STRN3: variants seen among roughly 807,000 people sequenced by gnomAD.
STRN3 encodes striatin 3.
Under a neutral mutation model 95.6 loss-of-function variants are expected in STRN3, and 29 were observed. The observed-to-expected ratio is 0.30, with a 90% confidence interval of 0.23 to 0.41. The LOEUF is 0.41. Ranked by LOEUF, STRN3 falls within the 10% of genes least tolerant of loss-of-function variation. STRN3 has a pLI of 1.00. For missense variants in STRN3, 890 were observed against 972.1 expected (o/e 0.92, Z 1.12); for synonymous variants, 331 against 357.6 (o/e 0.93, Z 0.84).
intron 7 of STRN3, chr14:30,932,517 T>C (rs1878592246): frequency 6.6e-6 from 1 of 152,342 alleles, no homozygotes; most frequent in Non-Finnish European, 1.5e-5. Context: ...TGAGTTATTT[T>C]CCTTCACTAA....
At chr14:30,898,652 C>T (rs955708544) in intron 16 of STRN3, among the ~76,000 whole-genome samples, 4 of 152,178 alleles carry the variant, frequency 2.6e-5, no homozygotes, top group African/African-American at 9.7e-5. Flanking sequence ...CTTCCAGTAA[C>T]GAGGACCTCT....
In STRN3 at chr14:30,921,715, T is replaced by C. The variant is rs74040949; in HGVS notation, c.1100-2609A>G. Among the ~76,000 whole-genome samples the C allele has an allele frequency of 3.8e-3, 576 of 152,280 alleles. 2 individuals carry two copies. The highest frequency in any genetic ancestry group is 0.013 in the African/African-American group (541 of 41,554). On this transcript the variant is annotated intron_variant, in intron 8 of 17. Coordinates refer to ENST00000357479, the MANE Select transcript of STRN3 (RefSeq NM_001083893.2). ...GAAGTCTTATCAGCAATAAGAAAAC[T>C]GTAGTAGTATAACAGGATACTAGAC...
chr14:30,944,144 T>G (rs1879226032), intron 5 of STRN3, among the ~76,000 whole-genome samples: 1 of 151,166 alleles, frequency 6.6e-6, no homozygotes, highest in Non-Finnish European at 1.5e-5. Flanking sequence ...ATACTAAGAG[T>G]GAGGGGGAAA....
intron 9 of STRN3, among the ~76,000 whole-genome samples, chr14:30,917,513 A>G (rs889665527): frequency 6.6e-6 from 1 of 152,130 alleles, no homozygotes; most frequent in African/African-American, 2.4e-5. Flanking sequence ...TTGGCAAAAC[A>G]GACCAAAAAC....
chr14:30,923,534 G>A (rs1250271003), intron 8 of STRN3, among the ~76,000 whole-genome samples: 2 of 152,026 alleles, frequency 1.3e-5, no homozygotes, highest in African/African-American at 4.8e-5. Context: ...TAAGATAAAC[G>A]AGAATAATTA....
At chr14:30,951,992 C>T (rs1879664894) in intron 3 of STRN3, among the ~76,000 whole-genome samples, 1 of 152,104 alleles carries the variant, frequency 6.6e-6, no homozygotes, top group Non-Finnish European at 1.5e-5. Flanking sequence ...GCGGCACATG[C>T]CTGTAATCCC....
chr14:31,013,879 TTATTATTATTATTA>T (rs1883097593), intron 1 of STRN3, among the ~76,000 whole-genome samples: 1 of 90,862 alleles, frequency 1.1e-5, no homozygotes, highest in Non-Finnish European at 2.4e-5. Flanking sequence ...ATTATTATTA[TTATTATTATTATTA>T]TTATTATTAT....
At chr14:30,963,812 T>G (rs1445609761) in intron 1 of STRN3, among the ~76,000 whole-genome samples, 1 of 152,064 alleles carries the variant, frequency 6.6e-6, no homozygotes, top group Admixed American at 6.6e-5. Context: ...AATTCACAAA[T>G]TTATGGAAAT....
chr14:30,969,162 G>A (rs997212571), intron 1 of STRN3, among the ~76,000 whole-genome samples: 2 of 152,164 alleles, frequency 1.3e-5, no homozygotes, highest in Middle Eastern at 3.2e-3. Flanking sequence ...TAAGCTGGGC[G>A]CAGTGGCTCA....
At chr14:31,015,704 G>A (rs1180934724) in intron 1 of STRN3, among the ~76,000 whole-genome samples, 1 of 152,168 alleles carries the variant, frequency 6.6e-6, no homozygotes, top group African/African-American at 2.4e-5. Context: ...AGAGCTGTAT[G>A]CTCCTTTTGG....
At chr14:30,959,978 T>C (rs577443193) in intron 1 of STRN3, among the ~76,000 whole-genome samples, 1 of 152,198 alleles carries the variant, frequency 6.6e-6, no homozygotes, top group Non-Finnish European at 1.5e-5. Flanking sequence ...AATTCTGAAT[T>C]TGCATGTGTA....
In STRN3 at chr14:31,026,185, T is replaced by TTG; in HGVS notation, c.-2_-1dup. 1 of 1,461,698 alleles carries TTG rather than the reference T, an allele frequency of 6.8e-7. No individual in the cohort carries two copies. The allele number at this position is 1,461,698 out of a possible 1,614,324, so 90.5% of individuals were successfully genotyped here. On this transcript the variant is annotated 5_prime_UTR_variant, in exon 1 of 18. Transcript: ENST00000357479. ...CCACCGCCTCCGGCAAGCTCGTCCA[T>TTG]TGTGTGTGGGGCCCCGGCCGGGGCG...
rs182036694 is a variant in STRN3, at chr14:30,993,959, G to C, written c.282+31945C>G. 2.7e-3 allele frequency among the ~76,000 whole-genome samples: 409 copies of C among 151,070 alleles called. 5 individuals are homozygous for C. Among genetic ancestry groups the C allele is most frequent in the African/African-American group, 9.4e-3 (387 of 41,094 alleles). ...GGCACACAATCTCGGCTCACGGCAA[G>C]CTCCACCTCTCGGGATCAAGCGATT... On this transcript the variant is annotated intron_variant, in intron 1 of 17. Coordinates refer to ENST00000357479, the MANE Select transcript of STRN3 (RefSeq NM_001083893.2).
chr14:30,965,823 T>TA (rs1880469460), intron 1 of STRN3, among the ~76,000 whole-genome samples: 1 of 151,336 alleles, frequency 6.6e-6, no homozygotes, highest in Non-Finnish European at 1.5e-5. Flanking sequence ...CAGACATCTG[T>TA]AATCCCAGTG....
intron 16 of STRN3, among the ~76,000 whole-genome samples, chr14:30,897,114 T>C (rs1349900940): frequency 1.3e-5 from 2 of 152,216 alleles, no homozygotes; most frequent in African/African-American, 4.8e-5. Flanking sequence ...ATAGAGGCTT[T>C]TTCCAAAATT....
intron 1 of STRN3, among the ~76,000 whole-genome samples, chr14:31,020,830 C>T (rs1197449533): frequency 6.6e-6 from 1 of 151,968 alleles, no homozygotes; most frequent in Non-Finnish European, 1.5e-5. Context: ...CAGTTGAGCT[C>T]GGGAGCCTGA....
intron 1 of STRN3, among the ~76,000 whole-genome samples, chr14:30,994,620 T>C (rs960257575): frequency 6.6e-6 from 1 of 151,918 alleles, no homozygotes; most frequent in Admixed American, 6.6e-5. Context: ...AAACTAAATA[T>C]AAAACTTCCA....
At chr14:31,008,352 A>T (rs1011302375) in intron 1 of STRN3, among the ~76,000 whole-genome samples, 3 of 151,890 alleles carry the variant, frequency 2.0e-5, no homozygotes, top group Non-Finnish European at 4.4e-5. Flanking sequence ...CTATAAAAAT[A>T]CAAAAACTAG....
At chr14:30,980,931 A>T (rs1881364795) in intron 1 of STRN3, among the ~76,000 whole-genome samples, 1 of 152,226 alleles carries the variant, frequency 6.6e-6, no homozygotes, top group African/African-American at 2.4e-5. Flanking sequence ...AAAAACTTAA[A>T]TATTTTAGCT....
Sources: gnomAD v4.1 joint callset for allele counts (sites outside exome capture counted in the v4.1 genomes callset) on GRCh38, gnomAD v4.1.1 for gene constraint, MANE v1.5 for transcripts, NCBI Gene and HGNC (gene_info 2026-07-23, HGNC 2026-07-21) for gene names.